The following GCH1 variants were observed in gnomAD, a reference collection of about 807,000 sequenced individuals.
The protein encoded by GCH1 is GTP cyclohydrolase 1, also known as GTP cyclohydrolase I.
Under a neutral mutation model 25.9 loss-of-function variants are expected in GCH1, and 5 were observed. The observed-to-expected ratio is 0.19, with a 90% CI of 0.10 to 0.41. The LOEUF is 0.41. Among genes scored for constraint, GCH1 ranks in the 10% least tolerant of loss-of-function variants. The pLI is 1.00. For missense variants in GCH1, 261 were observed against 336.5 expected, an observed-to-expected ratio of 0.78 and a Z score of 1.75; for synonymous variants, 159 against 129.6, an observed-to-expected ratio of 1.23 and a Z score of -1.54.
rs552523739 is a variant in GCH1, at chr14:54,871,149, A to C, written c.344-5713T>G. 3.9e-5 allele frequency among the ~76,000 whole-genome samples: 6 copies of C among 152,288 alleles called. No individual in the cohort carries two copies. The South Asian group carries it at 1.0e-3, about 26-fold the overall frequency. Reference sequence around the variant, plus strand: ...CAGCCGGGTACTCCTCTGAGACAAAACTTCCAGAGGAACGATCAGGCAGCA... The same window carrying C: ...CAGCCGGGTACTCCTCTGAGACAAACCTTCCAGAGGAACGATCAGGCAGCA... On this transcript the variant is annotated intron_variant, in intron 1 of 5. Transcript: ENST00000491895.
In GCH1 at chr14:54,858,443, G is replaced by A. The variant is rs184262074; in HGVS notation, c.509+1238C>T. On this transcript the variant is annotated intron_variant, in intron 3 of 5. Coordinates refer to ENST00000491895, the MANE Select transcript of GCH1 (RefSeq NM_000161.3). ...TGGGATTACAGGTGTGCGCCACCACGCCCAGCTAATCTTTGTATTTTTAGT... is the reference window on the plus strand; with the variant it reads ...TGGGATTACAGGTGTGCGCCACCACACCCAGCTAATCTTTGTATTTTTAGT... 4.1e-3 allele frequency among the ~76,000 whole-genome samples: 617 copies of A among 151,968 alleles called. 5 individuals are homozygous for A. The highest frequency in any genetic ancestry group is 0.014 in the African/African-American group (575 of 41,450).
intron 2 of GCH1, among the ~76,000 whole-genome samples, chr14:54,863,144 G>T (rs1177215426): frequency 6.6e-6 from 1 of 152,084 alleles, no homozygotes; most frequent in Non-Finnish European, 1.5e-5. Context: ...TTAGGGCCAG[G>T]TGCGGTGGCT....
intron 1 of GCH1, among the ~76,000 whole-genome samples, chr14:54,882,109 C>T (rs2040280885): frequency 6.6e-6 from 1 of 152,228 alleles, no homozygotes; most frequent in Non-Finnish European, 1.5e-5. Context: ...AAAATCCCTC[C>T]ACCCTGATGC....
At chr14:54,847,391 G>A (rs2140044095) in intron 3 of GCH1, among the ~76,000 whole-genome samples, 1 of 152,300 alleles carries the variant, frequency 6.6e-6, no homozygotes, top group African/African-American at 2.4e-5. Context: ...TTGAGTCAGT[G>A]GGCTGGGAAA....
At chr14:54,895,274 G>A (rs1169348180) in intron 1 of GCH1, among the ~76,000 whole-genome samples, 2 of 152,180 alleles carry the variant, frequency 1.3e-5, no homozygotes, top group African/African-American at 4.8e-5. Flanking sequence ...CAGGGAAGCA[G>A]TCAGCCATCT....
rs1416490633 is a variant in GCH1, at chr14:54,851,808, G to A, written c.510-4678C>T. Among the ~76,000 whole-genome samples the A allele has an allele frequency of 7.9e-5, 12 of 152,294 alleles. No individual in the cohort carries two copies. The East Asian group carries it at 1.4e-3, about 17-fold the overall frequency. Reference sequence around the variant, plus strand: ...AACTAGTTCAACCATTGTGGAAGACGGTGTGGCGATTCCTCAGGGATCTAG... The same window carrying A: ...AACTAGTTCAACCATTGTGGAAGACAGTGTGGCGATTCCTCAGGGATCTAG... On this transcript the variant is annotated intron_variant, in intron 3 of 5. Coordinates refer to ENST00000491895, the MANE Select transcript of GCH1 (RefSeq NM_000161.3).
intron 3 of GCH1, among the ~76,000 whole-genome samples, chr14:54,852,136 C>T (rs1311246743): frequency 6.6e-6 from 1 of 152,048 alleles, no homozygotes; most frequent in East Asian, 1.9e-4. Flanking sequence ...GACAGGTTCT[C>T]GGAATCTATG....
At position 54,847,231 on chromosome 14, in the gene GCH1, C is replaced by T. The variant is rs147620311; in HGVS notation, c.510-101G>A. 29 of 562,094 alleles carry T rather than the reference C, an allele frequency of 5.2e-5. No individual in the cohort carries two copies. In the East Asian group the frequency reaches 9.7e-4, roughly 19 times the overall value. 34.8% of individuals were successfully genotyped at this position (562,094 alleles called of 1,614,324 possible). On this transcript the variant is annotated intron_variant, in intron 3 of 5. Transcript: ENST00000491895. ...AAAGGACATTGTTGAAGCAAGTGGGCTGCAAGAGGAAATAAAGCTTATGGC... is the reference window on the plus strand; with the variant it reads ...AAAGGACATTGTTGAAGCAAGTGGGTTGCAAGAGGAAATAAAGCTTATGGC...
chr14:54,846,411 A>G (rs1264740017), intron 4 of GCH1, among the ~76,000 whole-genome samples: 1 of 152,242 alleles, frequency 6.6e-6, no homozygotes, highest in Non-Finnish European at 1.5e-5. Flanking sequence ...GAGCTGGTAT[A>G]GGTTACGCCA....
intron 1 of GCH1, among the ~76,000 whole-genome samples, chr14:54,883,760 T>A (rs776398774): frequency 6.6e-6 from 1 of 152,130 alleles, no homozygotes; most frequent in Non-Finnish European, 1.5e-5. Context: ...GGCCAAACAG[T>A]GGGCAATTCT....
At chr14:54,852,759 G>C (rs569275048) in intron 3 of GCH1, among the ~76,000 whole-genome samples, 16 of 152,250 alleles carry the variant, frequency 1.1e-4, no homozygotes, top group African/African-American at 2.9e-4. Flanking sequence ...CGTAAAGTGA[G>C]GACTTACTGT....
intron 4 of GCH1, among the ~76,000 whole-genome samples, chr14:54,846,240 A>G (rs1049559811): frequency 6.6e-5 from 10 of 152,254 alleles, no homozygotes; most frequent in Admixed American, 6.5e-4. Context: ...CTGCAGTCCA[A>G]TTATTGAATT....
At chr14:54,886,845 C>T (rs959007623) in intron 1 of GCH1, among the ~76,000 whole-genome samples, 3 of 152,170 alleles carry the variant, frequency 2.0e-5, no homozygotes, top group Non-Finnish European at 4.4e-5. Context: ...AAACACGCAT[C>T]AGGGGTTATT....
intron 1 of GCH1, chr14:54,885,368 C>A: frequency 3.8e-6 from 1 of 261,902 alleles, no homozygotes; most frequent in South Asian, 5.1e-5. Flanking sequence ...GTGATGGGGT[C>A]CAGGGTCTGC....
rs1268687138 is a variant in GCH1, at chr14:54,843,803, T to C, written c.*214A>G. 1 of 1,613,996 alleles carries C rather than the reference T, an allele frequency of 6.2e-7. No homozygotes were observed. Among genetic ancestry groups the C allele is most frequent in the African/African-American group, 1.3e-5 (1 of 75,064 alleles). ...TTACACTATTAGCAGTTCACTTTAA[T>C]ATTGCCACAAAAAGGTGGCAAGAAG... On this transcript the variant is annotated 3_prime_UTR_variant, in exon 6 of 6. Coordinates refer to ENST00000491895, the MANE Select transcript of GCH1 (RefSeq NM_000161.3).
At chr14:54,870,408 C>T (rs1301360670) in intron 1 of GCH1, among the ~76,000 whole-genome samples, 2 of 149,218 alleles carry the variant, frequency 1.3e-5, no homozygotes, top group African/African-American at 2.5e-5. Flanking sequence ...CTCCAGTCTA[C>T]AGCTCCCAGT....
chr14:54,871,467 C>G (rs964433002), intron 1 of GCH1, among the ~76,000 whole-genome samples: 1 of 152,204 alleles, frequency 6.6e-6, no homozygotes, highest in African/African-American at 2.4e-5. Flanking sequence ...GAACGCAGCT[C>G]CTCACCAGCA....
At chr14:54,870,651 A>C (rs2040059220) in intron 1 of GCH1, among the ~76,000 whole-genome samples, 1 of 152,184 alleles carries the variant, frequency 6.6e-6, no homozygotes, top group Non-Finnish European at 1.5e-5. Flanking sequence ...CTCCCACCCT[A>C]ATACTGCACT....
At chr14:54,900,797 A>T (rs892892904) in intron 1 of GCH1, among the ~76,000 whole-genome samples, 1 of 151,774 alleles carries the variant, frequency 6.6e-6, no homozygotes, top group African/African-American at 2.4e-5. Flanking sequence ...TGCAAGGGGC[A>T]AAATGAGTAA....
Sources: gnomAD v4.1 joint callset for allele counts (sites outside exome capture counted in the v4.1 genomes callset) on GRCh38, gnomAD v4.1.1 for gene constraint, MANE v1.5 for transcripts, NCBI Gene and HGNC (gene_info 2026-07-23, HGNC 2026-07-21) for gene names.